The following RBBP6 variants were observed in gnomAD, a reference collection of about 807,000 sequenced individuals.
RBBP6 encodes the protein E3 ubiquitin-protein ligase RBBP6.
Under a neutral mutation model 167.7 loss-of-function variants are expected in RBBP6, and 25 were observed. That is an observed-to-expected ratio of 0.15 (90% CI 0.11 to 0.21). The LOEUF is 0.21. RBBP6 is among the 10% of genes least tolerant of loss of function. The pLI is 1.00. For missense variants in RBBP6, 1,868 were observed against 2,134.2 expected (o/e 0.88, Z 2.46); for synonymous variants, 789 against 735.8 (o/e 1.07, Z -1.17).
rs754473546 is a variant in RBBP6, at chr16:24,571,971, T to G, written c.4905T>G (p.Ala1635=). ...SSDLTRETDE[A]AFEPDYNESD... ...ACTTAACTAGAGAAACTGATGAAGC[T>G]GCTTTTGAACCAGACTATAATGAAA... Residue 1635 remains alanine, a synonymous_variant, in exon 18 of 18, where the codon GCT becomes GCG. Transcript: ENST00000319715. 3 of 1,613,760 alleles carry G rather than the reference T, an allele frequency of 1.9e-6. No homozygotes were observed. Among genetic ancestry groups the G allele is most frequent in the Non-Finnish European group, 2.5e-6 (3 of 1,179,942 alleles).
At position 24,540,387 on chromosome 16, in the gene RBBP6, C is replaced by T. The variant is rs1267036443; in HGVS notation, c.-240C>T. 2 of 402,150 alleles carry T rather than the reference C, an allele frequency of 5.0e-6. No individual in the cohort carries two copies. Among genetic ancestry groups the T allele is most frequent in the Admixed American group, 4.2e-5 (1 of 23,960 alleles). 24.9% of individuals were successfully genotyped at this position (402,150 alleles called of 1,614,324 possible). ...CCCGTTGGCGGATTCTCGATTTCCC[C>T]TCTTCCCCGTCCTCGTCCTCCTCCT... is the stretch of plus-strand genomic sequence containing the variant. On this transcript the variant is annotated 5_prime_UTR_variant, in exon 1 of 18. Transcript: ENST00000319715.
chr16:24,565,943 TGGTCCCAGCTACCTGG>T (rs1899184997), intron 14 of RBBP6, among the ~76,000 whole-genome samples: 2 of 152,134 alleles, frequency 1.3e-5, no homozygotes, highest in Admixed American at 1.3e-4. Context: ...CATGCACCTG[TGGTCCCAGCTACCTGG>T]GAGGCTGAGG....
chr16:24,567,352 C>T lies in RBBP6; in HGVS notation c.1799C>T (p.Pro600Leu), dbSNP rs754887082. Residue 600 changes from proline to leucine, a missense_variant, in exon 15 of 18, where the codon CCT (proline) becomes CTT (leucine). Around this residue, in one of 7 missense-constraint regions of RBBP6, gnomAD observed 145 missense variants for 224.3 expected, o/e 0.65. Coordinates refer to ENST00000319715, the MANE Select transcript of RBBP6 (RefSeq NM_006910.5). Reference sequence around the variant, plus strand: ...CCACCACCCGCTGGGTATAGTGTCCCTCCTCCAGGGTTTCCTCCAGCTCCT... The same window carrying T: ...CCACCACCCGCTGGGTATAGTGTCCTTCCTCCAGGGTTTCCTCCAGCTCCT... ...GQPPPAGYSV[P>L]PPGFPPAPAN... 11 of 1,614,150 alleles carry T rather than the reference C, an allele frequency of 6.8e-6. No individual in the cohort carries two copies. The highest frequency in any genetic ancestry group is 5.5e-5 in the South Asian group (5 of 91,086).
intron 8 of RBBP6, 69 bp downstream of exon 8, chr16:24,559,746 C>A: frequency 7.7e-7 from 1 of 1,299,772 alleles, no homozygotes. Context: ...TGGCTCTTCC[C>A]AACCTCATAT....
rs59379933 is a variant in RBBP6, at chr16:24,541,870, A to G, written c.166+1078A>G. Among the ~76,000 whole-genome samples the G allele has an allele frequency of 6.9e-3, 1,050 of 152,294 alleles. 9 individuals are homozygous for G. The highest frequency in any genetic ancestry group is 0.024 in the African/African-American group (1,008 of 41,546). ...ATTTTTATCACACTTAAGGTGTGAC[A>G]TGGATTCTTTTAGTTGAAATGGGAG... On this transcript the variant is annotated intron_variant, in intron 1 of 17. Transcript: ENST00000319715.
chr16:24,561,571 T>C, intron 8 of RBBP6, 41 bp from the exon 9 acceptor site: 1 of 1,512,548 alleles, frequency 6.6e-7, no homozygotes. Flanking sequence ...CACTTTGAGT[T>C]CCTACTATGC....
rs1170989480 is a variant in RBBP6 at position 24,572,209 on chromosome 16, A to G, written c.5143A>G (p.Ser1715Gly). Residue 1715 changes from serine to glycine, a missense_variant, in exon 18 of 18, where the codon AGT (serine) becomes GGT (glycine). Physicochemically the swap from Ser to Gly is moderately conservative, Grantham distance 56 (BLOSUM62 0). Around this residue, in one of 7 missense-constraint regions of RBBP6, gnomAD observed 591 missense variants for 540.5 expected, o/e 1.09. Coordinates refer to ENST00000319715, the MANE Select transcript of RBBP6 (RefSeq NM_006910.5). ...TTCTGGAAGCCAGACCCGAAGCCAC[A>G]GTAGCAGTGCCAGCTCAGCAGAAAG... ...SPSGSQTRSH[S>G]SSASSAESQD... 6.2e-7 allele frequency: 1 copy of G among 1,614,078 alleles called. No homozygotes were observed. Among genetic ancestry groups the G allele is most frequent in the Non-Finnish European group, 8.5e-7 (1 of 1,180,050 alleles).
intron 6 of RBBP6, 54 bp from the exon 7 acceptor site, chr16:24,556,250 TTAAA>T (rs1898910269): frequency 6.5e-6 from 9 of 1,379,878 alleles, no homozygotes; most frequent in South Asian, 1.2e-5. Flanking sequence ...AGCTAATTTA[TTAAA>T]TAAAGATAAC....
chr16:24,545,586 T>C (rs117581176), intron 1 of RBBP6, among the ~76,000 whole-genome samples: 1,940 of 152,256 alleles, frequency 0.013, 26 homozygotes, highest in Non-Finnish European at 0.02. Context: ...CTCAACCAGT[T>C]TTTTTCCTGT....
intron 7 of RBBP6, among the ~76,000 whole-genome samples, chr16:24,557,535 T>C (rs1898943058): frequency 6.6e-6 from 1 of 151,830 alleles, no homozygotes; most frequent in African/African-American, 2.4e-5. Context: ...CCTACAAAAG[T>C]ATGTTAAAAG....
In RBBP6 at chr16:24,563,442, T is replaced by A. The variant is rs1187449620; in HGVS notation, c.1406T>A (p.Leu469His). The stretch of plus-strand genomic sequence containing the variant: ...CTAAAGGGTTACCAGGTGCCTGTTC[T>A]TGGAACCCCATCTTTGCTTGGACAG... ...MEEKGYQVPV[L>H]GTPSLLGQSL... The change falls in exon 12 of 18, where the codon CTT becomes CAT. Residue 469 changes from leucine to histidine, a missense_variant. Transcript: ENST00000319715. 1 of 1,612,654 alleles carries A rather than the reference T, an allele frequency of 6.2e-7. No homozygotes were observed. Among genetic ancestry groups the A allele is most frequent in the Non-Finnish European group, 8.5e-7 (1 of 1,179,656 alleles).
chr16:24,563,370 C>CT (rs550471421), intron 11 of RBBP6, 53 bp from the exon 12 acceptor site: 85,578 of 1,297,304 alleles, frequency 0.066, 117 homozygotes, highest in Non-Finnish European at 0.071. Context: ...GTTCTTACCT[C>CT]TTTTTTTTTT....
Position 24,555,673 on chromosome 16 carries a change from C to T in RBBP6, c.407C>T (p.Ser136Leu), listed in dbSNP as rs1019645245. The stretch of plus-strand genomic sequence containing the variant: ...GAAGATAAAATTAAAGCAATGATGT[C>T]GCAATCTGGCCATGAATACGACCCA... The part of the protein sequence containing the change: ...SEEDKIKAMM[S>L]QSGHEYDPIN... Residue 136 changes from serine to leucine, a missense_variant, in exon 5 of 18, where the codon TCG becomes TTG. Ser to Leu is a moderately radical substitution (Grantham distance 145). Around this residue, in one of 7 missense-constraint regions of RBBP6, gnomAD observed 184 missense variants for 327.7 expected, o/e 0.56. Coordinates refer to ENST00000319715, the MANE Select transcript of RBBP6 (RefSeq NM_006910.5). 3.7e-6 allele frequency: 6 copies of T among 1,613,486 alleles called. No individual in the cohort carries two copies. Among genetic ancestry groups the T allele is most frequent in the African/African-American group, 1.3e-5 (1 of 74,884 alleles).
At chr16:24,558,748 G>A (rs1898978153) in intron 7 of RBBP6, among the ~76,000 whole-genome samples, 1 of 152,078 alleles carries the variant, frequency 6.6e-6, no homozygotes, top group African/African-American at 2.4e-5. Flanking sequence ...CAACATTTCT[G>A]CAAAATGCAT....
chr16:24,555,508 C>G (rs1029880181), intron 4 of RBBP6, 107 bp from the exon 5 acceptor site: 3 of 839,254 alleles, frequency 3.6e-6, no homozygotes, highest in Non-Finnish European at 5.7e-6. Context: ...TGTTTTTATG[C>G]AAGATTAGTT....
At chr16:24,566,567 C>T (rs1048977563) in intron 14 of RBBP6, among the ~76,000 whole-genome samples, 2 of 151,996 alleles carry the variant, frequency 1.3e-5, no homozygotes, top group Non-Finnish European at 2.9e-5. Context: ...ATGGTGAAAC[C>T]CTGTCTCTCC....
At chr16:24,561,764 A>T (rs1321233840) in intron 9 of RBBP6, 49 bp downstream of exon 9, 1 of 1,606,462 alleles carries the variant, frequency 6.2e-7, no homozygotes, top group East Asian at 2.2e-5. Context: ...AACTGATTTA[A>T]CTGTACTTCA....
At chr16:24,555,512 ATTAG>A (rs768117681) in intron 4 of RBBP6, 99 bp from the exon 5 acceptor site, 22 of 861,326 alleles carry the variant, frequency 2.6e-5, no homozygotes, top group Non-Finnish European at 4.1e-5. Context: ...TTTATGCAAG[ATTAG>A]TTAGATACTG....
Position 24,553,571 on chromosome 16 carries a change from T to C in RBBP6, c.348+14T>C. ...CAGCTTACAAAGGTATATATATATATATATTCTTGAAAATATAAGTTTTTT... is the reference window on the plus strand; with the variant it reads ...CAGCTTACAAAGGTATATATATATACATATTCTTGAAAATATAAGTTTTTT... On this transcript the variant is annotated intron_variant, in intron 4 of 17. Coordinates refer to ENST00000319715, the MANE Select transcript of RBBP6 (RefSeq NM_006910.5). The C allele has an allele frequency of 6.5e-7, 1 of 1,544,668 alleles. No individual in the cohort carries two copies. The highest frequency in any genetic ancestry group is 8.8e-7 in the Non-Finnish European group (1 of 1,135,820).
Sources: allele counts gnomAD v4.1 joint callset (sites outside exome capture counted in the v4.1 genomes callset), GRCh38; gene constraint gnomAD v4.1.1; regional missense constraint gnomAD v4.1.1; transcripts MANE v1.5; gene names NCBI Gene and HGNC (gene_info 2026-07-23, HGNC 2026-07-21).